The following NPAS3 variants were observed in gnomAD, a reference collection of about 807,000 sequenced individuals.
The protein encoded by NPAS3 is neuronal PAS domain-containing protein 3.
Under a neutral mutation model 73.1 loss-of-function variants are expected in NPAS3, and 14 were observed. The ratio of observed to expected loss-of-function variants is 0.19; its 90% confidence interval spans 0.13 to 0.30. The LOEUF is 0.30. NPAS3 is among the 10% of genes least tolerant of loss of function. NPAS3 has a pLI of 1.00. For missense variants in NPAS3, 1,096 were observed against 1,250.0 expected, an observed-to-expected ratio of 0.88 and a Z score of 1.86; for synonymous variants, 620 against 541.5, an observed-to-expected ratio of 1.14 and a Z score of -2.01.
chr14:33,340,521 G>A (rs1465952462), intron 3 of NPAS3, among the ~76,000 whole-genome samples: 1 of 152,190 alleles, frequency 6.6e-6, no homozygotes, highest in East Asian at 1.9e-4. Flanking sequence ...CTTTAATTTT[G>A]TGTAACCATT....
chr14:33,682,839 C>A (rs1174296638), intron 6 of NPAS3, among the ~76,000 whole-genome samples: 1 of 152,168 alleles, frequency 6.6e-6, no homozygotes, highest in Non-Finnish European at 1.5e-5. Context: ...AAAGTAAAAT[C>A]TCTCCTTCCC....
At chr14:33,658,134 T>G (rs2059202041) in intron 5 of NPAS3, among the ~76,000 whole-genome samples, 1 of 152,210 alleles carries the variant, frequency 6.6e-6, no homozygotes, top group Admixed American at 6.5e-5. Flanking sequence ...GGGGAACTGT[T>G]TATGTGCTTA....
At chr14:33,086,499 G>A (rs1461025814) in intron 2 of NPAS3, among the ~76,000 whole-genome samples, 1 of 152,146 alleles carries the variant, frequency 6.6e-6, no homozygotes, top group East Asian at 1.9e-4. Context: ...GTTTCACTGA[G>A]TTATAATTTC....
At chr14:33,402,846 T>G (rs1351276784) in intron 4 of NPAS3, among the ~76,000 whole-genome samples, 3 of 152,158 alleles carry the variant, frequency 2.0e-5, no homozygotes, top group Admixed American at 2.0e-4. Context: ...AGAGGCACTG[T>G]TTTTCTGACA....
chr14:33,723,726 AAAG>A (rs1386081170), intron 6 of NPAS3, among the ~76,000 whole-genome samples: 1 of 150,438 alleles, frequency 6.6e-6, no homozygotes, highest in Non-Finnish European at 1.5e-5. Flanking sequence ...AAAAAAAAAA[AAAG>A]AAAAGAAAAG....
chr14:33,258,062 A>G (rs1188627082), intron 3 of NPAS3, among the ~76,000 whole-genome samples: 1 of 152,166 alleles, frequency 6.6e-6, no homozygotes, highest in Admixed American at 6.5e-5. Flanking sequence ...AGAACAATAA[A>G]CTTAATATTT....
At chr14:33,237,268 A>T (rs2048065735) in intron 3 of NPAS3, among the ~76,000 whole-genome samples, 2 of 152,184 alleles carry the variant, frequency 1.3e-5, no homozygotes, top group South Asian at 4.1e-4. Flanking sequence ...ATTTTACTGT[A>T]GCTCTCATGT....
chr14:33,678,521 C>A (rs1397759794), intron 6 of NPAS3, among the ~76,000 whole-genome samples: 1 of 152,168 alleles, frequency 6.6e-6, no homozygotes, highest in Non-Finnish European at 1.5e-5. Flanking sequence ...CCTGGCTGTG[C>A]TTCAGTTTGC....
chr14:33,210,044 G>C (rs562161678), intron 2 of NPAS3, among the ~76,000 whole-genome samples: 5 of 152,190 alleles, frequency 3.3e-5, no homozygotes, highest in Non-Finnish European at 4.4e-5. Context: ...TCTGTACTCT[G>C]TGGCTACCTA....
intron 4 of NPAS3, among the ~76,000 whole-genome samples, chr14:33,497,073 A>G (rs1055099530): frequency 6.6e-6 from 1 of 152,198 alleles, no homozygotes; most frequent in African/African-American, 2.4e-5. Context: ...CAGAGAGCCA[A>G]ATCATGAGTG....
intron 4 of NPAS3, among the ~76,000 whole-genome samples, chr14:33,411,546 G>A (rs1330604915): frequency 6.6e-6 from 1 of 152,144 alleles, no homozygotes; most frequent in Non-Finnish European, 1.5e-5. Flanking sequence ...AGAAGCCAGG[G>A]TTACTGTTAA....
At chr14:33,498,931 AGAGAGT>A (rs71118546) in intron 4 of NPAS3, among the ~76,000 whole-genome samples, 7,686 of 118,088 alleles carry the variant, frequency 0.065, 165 homozygotes, top group East Asian at 0.095. Context: ...AGAGACAGAG[AGAGAGT>A]GTGTGTGTGT....
Position 33,143,133 on chromosome 14 carries a change from A to C in NPAS3, c.141-72049A>C, listed in dbSNP as rs372064080. Among the ~76,000 whole-genome samples, 11 of 152,006 alleles carry C rather than the reference A, an allele frequency of 7.2e-5. No homozygotes were observed. The East Asian group carries it at 1.9e-3, about 27-fold the overall frequency. ...AGAAGAAGAAAGAAATACCTCTTAA[A>C]TCTTGTCTCCTTTAAGATTATAAGA... On this transcript the variant is annotated intron_variant, in intron 2 of 11. Coordinates refer to ENST00000356141, the Ensembl canonical transcript of NPAS3.
intron 2 of NPAS3, among the ~76,000 whole-genome samples, chr14:33,136,294 C>CAT (rs2043835657): frequency 1.3e-5 from 2 of 151,880 alleles, no homozygotes; most frequent in Admixed American, 1.3e-4. Context: ...CTCCTGACCT[C>CAT]GTGATCCGCC....
rs141088589 is a variant in NPAS3 at position 33,318,383 on chromosome 14, T to C, written c.386-48803T>C. Among the ~76,000 whole-genome samples, 1,041 of 152,222 alleles carry C rather than the reference T, an allele frequency of 6.8e-3. 10 individuals are homozygous for C. Among genetic ancestry groups the C allele is most frequent in the African/African-American group, 0.024 (1,001 of 41,536 alleles). The stretch of plus-strand genomic sequence containing the variant: ...ATTGTCATTTAAAGTGTATAGAGTT[T>C]AGCTTTGCAACACGAAAAGAGTTCT... On this transcript the variant is annotated intron_variant, in intron 3 of 11. Coordinates refer to ENST00000356141, the Ensembl canonical transcript of NPAS3.
intron 4 of NPAS3, among the ~76,000 whole-genome samples, chr14:33,384,839 C>T (rs2046708267): frequency 1.3e-5 from 2 of 152,074 alleles, no homozygotes; most frequent in Non-Finnish European, 2.9e-5. Context: ...CATCTACCAC[C>T]CAGGAATCTA....
intron 1 of NPAS3, among the ~76,000 whole-genome samples, chr14:32,984,413 A>G (rs967665390): frequency 6.6e-6 from 1 of 152,228 alleles, no homozygotes; most frequent in Non-Finnish European, 1.5e-5. Context: ...ACTTTGGGAA[A>G]AAAAGTAAGA....
At chr14:33,226,424 A>G (rs190774036) in intron 3 of NPAS3, among the ~76,000 whole-genome samples, 97 of 152,340 alleles carry the variant, frequency 6.4e-4, no homozygotes, top group African/African-American at 1.9e-3. Flanking sequence ...CATTAGAAAT[A>G]AGATGTTTGA....
At chr14:33,094,468 A>ATT (rs373938530) in intron 2 of NPAS3, among the ~76,000 whole-genome samples, 22,938 of 141,900 alleles carry the variant, frequency 0.16, 2,358 homozygotes, top group African/African-American at 0.3. Context: ...ATGATAAAGG[A>ATT]TTTTTTTTTT....
Sources: gnomAD v4.1 joint callset for allele counts (sites outside exome capture counted in the v4.1 genomes callset) on GRCh38, gnomAD v4.1.1 for gene constraint, MANE v1.5 for transcripts, NCBI Gene and HGNC (gene_info 2026-07-23, HGNC 2026-07-21) for gene names.